AFAP1L2: variants seen among roughly 807,000 people sequenced by gnomAD.
AFAP1L2 encodes actin filament associated protein 1 like 2.
AFAP1L2 carries 46 observed loss-of-function variants against 99.3 expected under a neutral mutation model. The ratio of observed to expected loss-of-function variants is 0.46; its 90% confidence interval spans 0.37 to 0.59. The LOEUF (loss-of-function observed/expected upper bound fraction) is 0.59. Among genes scored for constraint, AFAP1L2 ranks in the 20% least tolerant of loss-of-function variants. AFAP1L2 has a pLI of 0.00. For missense variants in AFAP1L2, 959 were observed against 1,034.9 expected, an observed-to-expected ratio of 0.93 and a Z score of 1.01; for synonymous variants, 397 against 419.1, an observed-to-expected ratio of 0.95 and a Z score of 0.64.
In AFAP1L2 at chr10:114,315,662, G is replaced by A. The variant is rs754237040; in HGVS notation, c.510C>T (p.Ile170=). The change falls in exon 6 of 19, where the codon ATC becomes ATT. Residue 170 remains isoleucine, a synonymous_variant. Transcript: ENST00000304129. ...PYQWPSPEAG[I]ELMRDARICA... Reference sequence around the variant, plus strand: ...AGATGCGGGCGTCACGCATCAGCTCGATGCCGGCCTCCGGCGAGGGCCACT... The same window carrying A: ...AGATGCGGGCGTCACGCATCAGCTCAATGCCGGCCTCCGGCGAGGGCCACT... The A allele has an allele frequency of 4.6e-5, 75 of 1,613,812 alleles. No individual in the cohort carries two copies. In the Admixed American group the frequency reaches 1.0e-3, roughly 22 times the overall value.
chr10:114,311,957 C>T lies in AFAP1L2; in HGVS notation c.793-1514G>A, dbSNP rs1162174984. Among the ~76,000 whole-genome samples, 8 of 152,200 alleles carry T rather than the reference C, an allele frequency of 5.3e-5. No individual in the cohort carries two copies. In the South Asian group the frequency reaches 6.2e-4, roughly 12 times the overall value. ...GGTGGACCAGCCCCCACTGCCAAAG[C>T]GCAAGAGTGGGCGGCTTCTGAGAGC... On this transcript the variant is annotated intron_variant, in intron 7 of 18. Transcript: ENST00000304129.
intron 7 of AFAP1L2, among the ~76,000 whole-genome samples, chr10:114,311,158 G>A (rs1316607211): frequency 3.9e-5 from 6 of 152,288 alleles, no homozygotes; most frequent in East Asian, 3.9e-4. Flanking sequence ...GGCTGGGTCC[G>A]GAAAAGGATA....
At chr10:114,379,354 C>A (rs1441879777) in intron 1 of AFAP1L2, among the ~76,000 whole-genome samples, 1 of 151,586 alleles carries the variant, frequency 6.6e-6, no homozygotes, top group Non-Finnish European at 1.5e-5. Flanking sequence ...ACTACCTACC[C>A]AGCTCCTCCC....
chr10:114,284,519 G>A, the AFAP1L2 span, among the ~76,000 whole-genome samples: 1 of 152,290 alleles, frequency 6.6e-6, no homozygotes, highest in African/African-American at 2.4e-5. Flanking sequence ...GAACTTAGAA[G>A]ACAGGGCCCC....
rs758665931 is a variant in AFAP1L2 at position 114,377,965 on chromosome 10, C to T, written c.16+26475G>A. Reference sequence around the variant, plus strand: ...GTTTTTTTGTGGGTCTTCACTGGTGCCACCCCTACGATAGGCTGTGTCGCT... The same window carrying T: ...GTTTTTTTGTGGGTCTTCACTGGTGTCACCCCTACGATAGGCTGTGTCGCT... On this transcript the variant is annotated intron_variant, in intron 1 of 18. Transcript: ENST00000304129. The surrounding 1 kb of genome is among the most constrained non-coding windows in gnomAD (Gnocchi z 4.0). Among the ~76,000 whole-genome samples the T allele has an allele frequency of 1.3e-5, 2 of 152,194 alleles. No individual in the cohort carries two copies. The highest frequency in any genetic ancestry group is 2.9e-5 in the Non-Finnish European group (2 of 68,022).
chr10:114,287,833 GAT>G, the AFAP1L2 span, among the ~76,000 whole-genome samples: 1 of 152,114 alleles, frequency 6.6e-6, no homozygotes, highest in African/African-American at 2.4e-5. Flanking sequence ...AACCAGTATT[GAT>G]ACATCATTAT....
chr10:114,337,474 T>C (rs2048149292), intron 2 of AFAP1L2, among the ~76,000 whole-genome samples: 1 of 152,208 alleles, frequency 6.6e-6, no homozygotes, highest in African/African-American at 2.4e-5. Context: ...GCTTCGCTTC[T>C]GAGAATGCAG....
chr10:114,370,131 T>A (rs1254505518), intron 1 of AFAP1L2, among the ~76,000 whole-genome samples: 1 of 152,204 alleles, frequency 6.6e-6, no homozygotes, highest in Non-Finnish European at 1.5e-5. Flanking sequence ...CAAATACTGT[T>A]TATAATTCAC....
intron 1 of AFAP1L2, among the ~76,000 whole-genome samples, chr10:114,367,112 G>C (rs78459857): frequency 5.8e-4 from 88 of 152,354 alleles, no homozygotes; most frequent in African/African-American, 2.0e-3. Flanking sequence ...CCCCAAATGT[G>C]TGGGAGGTGA....
intron 1 of AFAP1L2, among the ~76,000 whole-genome samples, chr10:114,371,622 G>A (rs2054112476): frequency 6.6e-6 from 1 of 151,992 alleles, no homozygotes; most frequent in Admixed American, 6.5e-5. Context: ...GAGAACACAT[G>A]GACACAGGGA....
At chr10:114,390,927 A>G (rs540958288) in intron 1 of AFAP1L2, among the ~76,000 whole-genome samples, 5 of 152,108 alleles carry the variant, frequency 3.3e-5, no homozygotes, top group Non-Finnish European at 2.9e-5. Flanking sequence ...TTCTTCAGAT[A>G]CTTGTCAGCC....
the AFAP1L2 span, among the ~76,000 whole-genome samples, chr10:114,284,582 G>C: frequency 2.0e-5 from 3 of 152,166 alleles, no homozygotes; most frequent in African/African-American, 4.8e-5. Flanking sequence ...TGATGCTACG[G>C]GGAGCTTCCT....
chr10:114,327,147 T>TATATATATATATATATA (rs2046408453), intron 4 of AFAP1L2, among the ~76,000 whole-genome samples: 1 of 54,572 alleles, frequency 1.8e-5, no homozygotes, highest in East Asian at 2.3e-3. Flanking sequence ...TTATATATAT[T>TATATATATATATATATA]TATATATATA....
At chr10:114,351,653 G>T (rs1352458898) in intron 1 of AFAP1L2, among the ~76,000 whole-genome samples, 2 of 152,186 alleles carry the variant, frequency 1.3e-5, no homozygotes, top group Admixed American at 1.3e-4. Flanking sequence ...AGGAACCTGG[G>T]CAGGAGAAAC....
At chr10:114,371,853 AT>A (rs60322747) in intron 1 of AFAP1L2, among the ~76,000 whole-genome samples, 81 of 139,546 alleles carry the variant, frequency 5.8e-4, no homozygotes, top group African/African-American at 2.4e-3. Flanking sequence ...CAAAAGGAAG[AT>A]TTTTTTGGGG....
chr10:114,356,514 T>C (rs1009572635), intron 1 of AFAP1L2, among the ~76,000 whole-genome samples: 1 of 152,236 alleles, frequency 6.6e-6, no homozygotes, highest in African/African-American at 2.4e-5. Flanking sequence ...TCATCTATTT[T>C]TCATGTTTAA....
chr10:114,388,856 G>A lies in AFAP1L2; in HGVS notation c.16+15584C>T, dbSNP rs1480875135. Among the ~76,000 whole-genome samples the A allele has an allele frequency of 2.0e-5, 3 of 152,166 alleles. No homozygotes were observed. In the East Asian group the frequency reaches 5.8e-4, roughly 29 times the overall value. The stretch of plus-strand genomic sequence containing the variant: ...AGATATCAATATCCCAAGGGACCCA[G>A]AAATTGGAAATGCAGGTTCAGAGAC... On this transcript the variant is annotated intron_variant, in intron 1 of 18. Transcript: ENST00000304129.
chr10:114,372,631 CATATATA>C (rs2054267236), intron 1 of AFAP1L2, among the ~76,000 whole-genome samples: 1 of 151,130 alleles, frequency 6.6e-6, no homozygotes, highest in Non-Finnish European at 1.5e-5. Flanking sequence ...TTTATATATA[CATATATA>C]ATATATATAC....
intron 2 of AFAP1L2, among the ~76,000 whole-genome samples, chr10:114,339,715 T>C (rs1590311886): frequency 6.6e-6 from 1 of 152,182 alleles, no homozygotes; most frequent in East Asian, 1.9e-4. Context: ...GATATCCTTA[T>C]AAAGAGAGGA....
Sources: allele counts gnomAD v4.1 joint callset (sites outside exome capture counted in the v4.1 genomes callset), GRCh38; gene constraint gnomAD v4.1.1; non-coding constraint Gnocchi (gnomAD v3.1); transcripts MANE v1.5; gene names NCBI Gene and HGNC (gene_info 2026-07-23, HGNC 2026-07-21).